The following CCDC81 variants were observed in gnomAD, a reference collection of about 807,000 sequenced individuals.
CCDC81 encodes coiled-coil domain containing 81.
Under a neutral mutation model 83.7 loss-of-function variants are expected in CCDC81, and 79 were observed. That is an observed-to-expected ratio of 0.94 (90% CI 0.79 to 1.14). The LOEUF is 1.14. Ranked by LOEUF, CCDC81 falls within the 50% of genes most tolerant of loss-of-function variation. The pLI, the probability that CCDC81 is intolerant of heterozygous loss-of-function variation, is 0.00. For missense variants in CCDC81, 791 were observed against 778.1 expected (o/e 1.02, Z -0.20); for synonymous variants, 252 against 278.1 (o/e 0.91, Z 0.93).
chr11:86,397,293 C>T (rs1948422040), intron 5 of CCDC81, among the ~76,000 whole-genome samples: 2 of 152,062 alleles, frequency 1.3e-5, no homozygotes, highest in Non-Finnish European at 2.9e-5. Context: ...CTGTATCACC[C>T]CATAGCATCT....
intron 1 of CCDC81, among the ~76,000 whole-genome samples, chr11:86,380,362 G>C (rs1470223329): frequency 6.6e-6 from 1 of 152,024 alleles, no homozygotes; most frequent in Non-Finnish European, 1.5e-5. Flanking sequence ...CCCTCTCTCT[G>C]CCTGGCTTCT....
intron 2 of CCDC81, 94 bp downstream of exon 2, chr11:86,386,206 T>A (rs1283925431): frequency 2.6e-6 from 1 of 378,252 alleles, no homozygotes; most frequent in Non-Finnish European, 4.3e-6. Context: ...TCTTATATAA[T>A]GTTGCTGGGA....
chr11:86,393,665 G>A (rs1948366034), intron 4 of CCDC81, among the ~76,000 whole-genome samples: 1 of 152,190 alleles, frequency 6.6e-6, no homozygotes, highest in Non-Finnish European at 1.5e-5. Context: ...AATTTGCCAT[G>A]TTGTAGAAGA....
chr11:86,409,393 A>G, intron 10 of CCDC81, 28 bp downstream of exon 10: 1 of 1,165,614 alleles, frequency 8.6e-7, no homozygotes, highest in South Asian at 1.4e-5. Context: ...TTCTGTTGCT[A>G]ACACCTGGCC....
intron 13 of CCDC81, among the ~76,000 whole-genome samples, chr11:86,415,580 T>A (rs1009460566): frequency 2.4e-4 from 37 of 152,236 alleles, no homozygotes; most frequent in African/African-American, 8.0e-4. Context: ...TTTAGTGTTT[T>A]CCAAAGTGGC....
intron 4 of CCDC81, 124 bp from the exon 5 acceptor site, chr11:86,395,210 C>G (rs574261046): frequency 1.5e-6 from 1 of 661,742 alleles, no homozygotes; most frequent in African/African-American, 1.8e-5. Context: ...GACTTATAAG[C>G]GCTTAACATA....
intron 1 of CCDC81, among the ~76,000 whole-genome samples, chr11:86,384,984 A>AAGATAAACT (rs1948221819): frequency 6.6e-6 from 1 of 152,272 alleles, no homozygotes. Flanking sequence ...TCAGAACAAG[A>AAGATAAACT]AGATAAACTT....
intron 9 of CCDC81, 82 bp downstream of exon 9, chr11:86,408,352 G>C: frequency 1.5e-6 from 2 of 1,350,020 alleles, no homozygotes; most frequent in Non-Finnish European, 2.0e-6. Flanking sequence ...TTTTTTATTG[G>C]CGCAGGGTCT....
At chr11:86,384,796 T>A (rs2138496945) in intron 1 of CCDC81, among the ~76,000 whole-genome samples, 2 of 152,360 alleles carry the variant, frequency 1.3e-5, no homozygotes, top group East Asian at 3.9e-4. Context: ...AGAGAGTTCT[T>A]AACTGGAAAG....
chr11:86,412,481 A>G lies in CCDC81; in HGVS notation c.1313A>G (p.Asn438Ser). 1 of 1,614,118 alleles carries G rather than the reference A, an allele frequency of 6.2e-7. No homozygotes were observed. Among genetic ancestry groups the G allele is most frequent in the Non-Finnish European group, 8.5e-7 (1 of 1,179,968 alleles). The part of the protein sequence containing the change: ...YSRSLLKQMD[N>S]RQENEIKQRQ... ...CGGAGTCTCCTGAAACAAATGGATAACAGACAGGAAAACGAAATAAAGCAA... is the reference window on the plus strand; with the variant it reads ...CGGAGTCTCCTGAAACAAATGGATAGCAGACAGGAAAACGAAATAAAGCAA... Residue 438 changes from asparagine (N) to serine (S), a missense_variant, in exon 11 of 15, where the codon AAC becomes AGC. By Grantham distance (46) the Asn-to-Ser change is conservative (BLOSUM62 1). Coordinates refer to ENST00000445632, the MANE Select transcript of CCDC81 (RefSeq NM_001156474.2).
In CCDC81 at chr11:86,392,877, A is replaced by G. The variant is rs140530625; in HGVS notation, c.555+80A>G. The G allele has an allele frequency of 1.2e-3, 1,687 of 1,435,360 alleles. 14 individuals are homozygous for G. The African/African-American group carries it at 0.016, about 13-fold the overall frequency. The allele number at this position is 1,435,360 out of a possible 1,614,324, so 88.9% of individuals were successfully genotyped here. ...TCTATAGGTGTGTTGTAATTAAGAA[A>G]AACGAAGGTTGACATATTTTGAGTG... is the stretch of plus-strand genomic sequence containing the variant. On this transcript the variant is annotated intron_variant, in intron 4 of 14. Coordinates refer to ENST00000445632, the MANE Select transcript of CCDC81 (RefSeq NM_001156474.2).
chr11:86,405,141 G>A (rs929386537), intron 7 of CCDC81, among the ~76,000 whole-genome samples: 1 of 152,062 alleles, frequency 6.6e-6, no homozygotes, highest in African/African-American at 2.4e-5. Flanking sequence ...CTTTCACCAT[G>A]ATGGTATATT....
At chr11:86,413,803 A>C (rs544016257) in intron 11 of CCDC81, among the ~76,000 whole-genome samples, 1 of 152,274 alleles carries the variant, frequency 6.6e-6, no homozygotes, top group South Asian at 2.1e-4. Context: ...ATGTACAGGG[A>C]ACATAGGAAG....
At chr11:86,391,431 G>C (rs1948328143) in intron 3 of CCDC81, among the ~76,000 whole-genome samples, 1 of 152,078 alleles carries the variant, frequency 6.6e-6, no homozygotes, top group African/African-American at 2.4e-5. Context: ...GTCTCTCTTT[G>C]GCTTTGTCAT....
intron 3 of CCDC81, among the ~76,000 whole-genome samples, chr11:86,390,610 G>A (rs896634329): frequency 6.6e-6 from 1 of 152,152 alleles, no homozygotes; most frequent in Non-Finnish European, 1.5e-5. Context: ...GTGATCAGGA[G>A]GGGAAATGAG....
At chr11:86,390,690 T>G (rs1191413712) in intron 3 of CCDC81, among the ~76,000 whole-genome samples, 2 of 151,712 alleles carry the variant, frequency 1.3e-5, no homozygotes, top group Non-Finnish European at 2.9e-5. Flanking sequence ...AAGTTGAGAG[T>G]GGTGGGTAGG....
At chr11:86,379,757 G>A (rs184280200) in intron 1 of CCDC81, among the ~76,000 whole-genome samples, 37 of 152,262 alleles carry the variant, frequency 2.4e-4, no homozygotes, top group East Asian at 1.7e-3. Context: ...TGGGAGAATC[G>A]CTGGAGTCCA....
chr11:86,409,414 C>A, intron 10 of CCDC81, 49 bp downstream of exon 10: 2 of 888,388 alleles, frequency 2.3e-6, no homozygotes, highest in South Asian at 1.8e-5. Context: ...CATCTGTGAG[C>A]CTTTGGATCC....
chr11:86,404,068 G>A (rs532519421), intron 7 of CCDC81, among the ~76,000 whole-genome samples: 1 of 151,958 alleles, frequency 6.6e-6, no homozygotes, highest in Non-Finnish European at 1.5e-5. Flanking sequence ...CGAGTTAGAG[G>A]ATTAAAAAAA....
Sources: allele counts gnomAD v4.1 joint callset (sites outside exome capture counted in the v4.1 genomes callset), GRCh38; gene constraint gnomAD v4.1.1; transcripts MANE v1.5; gene names NCBI Gene and HGNC (gene_info 2026-07-23, HGNC 2026-07-21).